MRAP2: variants seen among roughly 807,000 people sequenced by gnomAD.
MRAP2 encodes melanocortin-2 receptor accessory protein 2.
In MRAP2, 20 loss-of-function variants were observed where a neutral mutation model predicts 17.4. The observed-to-expected ratio is 1.15, with a 90% CI of 0.81 to 1.67. The LOEUF (loss-of-function observed/expected upper bound fraction) is 1.67. MRAP2 is among the 40% of genes most tolerant of loss of function. The pLI, the probability that MRAP2 is intolerant of heterozygous loss-of-function variation, is 0.00. For synonymous variants in MRAP2, 96 were observed against 88.4 expected (o/e 1.09, Z -0.48); for missense variants, 238 against 240.0 (o/e 0.99, Z 0.05).
intron 3 of MRAP2, among the ~76,000 whole-genome samples, chr6:84,082,768 G>A (rs573065253): frequency 2.0e-5 from 3 of 152,068 alleles, no homozygotes; most frequent in Non-Finnish European, 4.4e-5. Flanking sequence ...CAAATAGCTT[G>A]ATCAATCCTT....
the MRAP2 span, among the ~76,000 whole-genome samples, chr6:84,139,393 A>T: frequency 4.6e-5 from 7 of 152,280 alleles, no homozygotes; most frequent in African/African-American, 1.7e-4. Flanking sequence ...GTTACTTTTC[A>T]TGAGGTTTCT....
chr6:84,079,012 C>T (rs990331323), intron 3 of MRAP2, among the ~76,000 whole-genome samples: 6 of 152,162 alleles, frequency 3.9e-5, no homozygotes, highest in Non-Finnish European at 7.3e-5. Context: ...TGCAGTTTCT[C>T]ATAAAGTTAA....
the MRAP2 span, among the ~76,000 whole-genome samples, chr6:84,115,307 C>T: frequency 6.3e-3 from 953 of 152,314 alleles, 4 homozygotes; most frequent in African/African-American, 0.022. Context: ...AGTCTGGCCA[C>T]AGTGGCCTTG....
intron 1 of MRAP2, among the ~76,000 whole-genome samples, chr6:84,043,121 T>A (rs2099488089): frequency 6.6e-6 from 1 of 152,240 alleles, no homozygotes; most frequent in Non-Finnish European, 1.5e-5. Context: ...TTCTGCCAAC[T>A]CTTTCAATAA....
the MRAP2 span, among the ~76,000 whole-genome samples, chr6:84,106,056 G>T: frequency 6.6e-6 from 1 of 151,956 alleles, no homozygotes; most frequent in Non-Finnish European, 1.5e-5. Context: ...TGAGAACCTT[G>T]CCCCAGCCCT....
At chr6:84,039,326 G>A (rs528890080) in intron 1 of MRAP2, among the ~76,000 whole-genome samples, 87 of 152,200 alleles carry the variant, frequency 5.7e-4, no homozygotes, top group Admixed American at 3.1e-3. Flanking sequence ...GGAATGAGAT[G>A]TGTTTGAAGT....
downstream of MRAP2, among the ~76,000 whole-genome samples, chr6:84,092,526 C>T (rs2099501938): frequency 6.6e-6 from 1 of 152,102 alleles, no homozygotes. Flanking sequence ...TATGATTCAT[C>T]CTGGGGAAAA....
chr6:84,099,690 G>A, the MRAP2 span, among the ~76,000 whole-genome samples: 7 of 152,250 alleles, frequency 4.6e-5, no homozygotes, highest in African/African-American at 1.7e-4. Context: ...AAAGCTCCCT[G>A]AGGCCTCACC....
chr6:84,066,854 C>G (rs2099494841), intron 3 of MRAP2, among the ~76,000 whole-genome samples: 1 of 152,180 alleles, frequency 6.6e-6, no homozygotes, highest in African/African-American at 2.4e-5. Flanking sequence ...TCTCTTCCTT[C>G]TATTGAACCG....
the MRAP2 span, among the ~76,000 whole-genome samples, chr6:84,134,969 G>A: frequency 6.7e-6 from 1 of 149,396 alleles, no homozygotes; most frequent in Non-Finnish European, 1.5e-5. Context: ...TATAGTGTTA[G>A]GTTAAAAATG....
chr6:84,060,415 G>C (rs1332601951), intron 2 of MRAP2, among the ~76,000 whole-genome samples: 2 of 152,206 alleles, frequency 1.3e-5, no homozygotes, highest in Non-Finnish European at 2.9e-5. Flanking sequence ...CATTTGCAGT[G>C]TGAAAGCTGT....
chr6:84,062,136 C>T (rs1336144058), intron 2 of MRAP2: 2 of 983,050 alleles, frequency 2.0e-6, no homozygotes, highest in Non-Finnish European at 2.4e-6. Flanking sequence ...AAATTTGGCC[C>T]AAGAAGGCCT....
the MRAP2 span, among the ~76,000 whole-genome samples, chr6:84,125,685 AG>A: frequency 1.7e-3 from 261 of 152,208 alleles, no homozygotes; most frequent in Middle Eastern, 6.8e-3. Flanking sequence ...CATGGTACTG[AG>A]GAAAGATCAT....
intron 1 of MRAP2, among the ~76,000 whole-genome samples, chr6:84,036,392 T>C (rs901503158): frequency 3.3e-5 from 5 of 152,196 alleles, no homozygotes; most frequent in Admixed American, 3.3e-4. Flanking sequence ...GGGTTCTTGG[T>C]CTCACTGACT....
At position 84,042,759 on chromosome 6, in the gene MRAP2, A is replaced by C. The variant is rs11961631; in HGVS notation, c.-8+8876A>C. 5.1e-3 allele frequency among the ~76,000 whole-genome samples: 783 copies of C among 152,366 alleles called. 10 individuals are homozygous for C. Among genetic ancestry groups the C allele is most frequent in the African/African-American group, 0.018 (753 of 41,592 alleles). On this transcript the variant is annotated intron_variant, in intron 1 of 3. Transcript: ENST00000257776. ...GTCCTGAGGTTGCAGTGGGTGCAGT[A>C]GGTGGAGAAACCACAAGAGCCACAC... is the stretch of plus-strand genomic sequence containing the variant.
chr6:84,118,873 A>G, the MRAP2 span, among the ~76,000 whole-genome samples: 5 of 152,226 alleles, frequency 3.3e-5, no homozygotes, highest in African/African-American at 9.7e-5. Flanking sequence ...TAGGTGTGAG[A>G]TAAGGATCCA....
the MRAP2 span, among the ~76,000 whole-genome samples, chr6:84,129,988 T>C: frequency 6.6e-6 from 1 of 152,210 alleles, no homozygotes; most frequent in Non-Finnish European, 1.5e-5. Flanking sequence ...CAGCATGATA[T>C]TGGCTGTGGG....
At chr6:84,123,392 G>C in the MRAP2 span, among the ~76,000 whole-genome samples, 2 of 151,948 alleles carry the variant, frequency 1.3e-5, no homozygotes, top group Non-Finnish European at 2.9e-5. Context: ...CAGGTCAATG[G>C]AACGGAATAG....
chr6:84,035,479 C>T, intron 1 of MRAP2: 2 of 906,404 alleles, frequency 2.2e-6, no homozygotes, highest in South Asian at 5.1e-5. Flanking sequence ...GGCTGTGACT[C>T]ATTAGGCTAA....
Sources: gnomAD v4.1 joint callset for allele counts (sites outside exome capture counted in the v4.1 genomes callset) on GRCh38, gnomAD v4.1.1 for gene constraint, MANE v1.5 for transcripts, NCBI Gene and HGNC (gene_info 2026-07-23, HGNC 2026-07-21) for gene names.